The following HIP1R variants were observed in gnomAD, a reference collection of about 807,000 sequenced individuals.
HIP1R encodes huntingtin-interacting protein 1-related protein.
A neutral mutation model predicts 144.2 loss-of-function variants in HIP1R; 135 were observed. That is an observed-to-expected ratio of 0.94 (90% CI 0.81 to 1.08). HIP1R has a LOEUF of 1.08. Among genes scored for constraint, HIP1R ranks in the 50% least tolerant of loss-of-function variants. The probability of loss-of-function intolerance (pLI) is 0.00; values close to 1 mark genes in which losing one functional copy is unlikely to be tolerated. For synonymous variants in HIP1R, 698 were observed against 612.8 expected (o/e 1.14, Z -2.05); for missense variants, 1,462 against 1,432.8 (o/e 1.02, Z -0.33).
chr12:122,844,001 G>A (rs2033137386), intron 1 of HIP1R, among the ~76,000 whole-genome samples: 1 of 152,064 alleles, frequency 6.6e-6, no homozygotes, highest in African/African-American at 2.4e-5. Context: ...ACACCACCAT[G>A]CCCGGCTAAT....
rs2033580369 is a variant in HIP1R, at chr12:122,856,412, C to CCCTTCCCCTG, written c.1402-17_1402-8dup. The CCCTTCCCCTG allele has an allele frequency of 1.2e-6, 2 of 1,603,260 alleles. No homozygotes were observed. Among genetic ancestry groups the CCCTTCCCCTG allele is most frequent in the African/African-American group, 2.7e-5 (2 of 74,758 alleles). On this transcript the variant is annotated intron_variant, in intron 15 of 31. Transcript: ENST00000253083. ...CTCGGGGATGGCAGCAGAGCATGAG[C>CCCTTCCCCTG]CCTTCCCCTGCCCATGCAGAACGCG... is the stretch of plus-strand genomic sequence containing the variant.
rs756695315 is a variant in HIP1R at position 122,857,052 on chromosome 12, C to T, written c.1652C>T (p.Thr551Met). Residue 551 changes from threonine (T) to methionine (M), a missense_variant, in exon 18 of 32, where the codon ACG (threonine) becomes ATG (methionine). Thr to Met is a moderately conservative substitution (Grantham distance 81). Coordinates refer to ENST00000253083, the MANE Select transcript of HIP1R (RefSeq NM_003959.3). ...TCGGAGCTGAGCTCACGGCTGGACA[C>T]GCTGAGTGCGGAGAAGGATGCTCTG... ...SKSELSSRLD[T>M]LSAEKDALSG... 3.7e-5 allele frequency: 57 copies of T among 1,550,646 alleles called. No individual in the cohort carries two copies. The highest frequency in any genetic ancestry group is 7.3e-5 in the East Asian group (3 of 41,144).
chr12:122,848,926 C>A, intron 4 of HIP1R, 74 bp downstream of exon 4: 1 of 1,498,690 alleles, frequency 6.7e-7, no homozygotes, highest in Non-Finnish European at 9.3e-7. Flanking sequence ...CGAAGGGTGG[C>A]TCCCTGTGGG....
intron 20 of HIP1R, 142 bp from the exon 21 acceptor site, chr12:122,858,696 C>A: frequency 1.4e-6 from 1 of 703,668 alleles, no homozygotes; most frequent in Non-Finnish European, 2.5e-6. Context: ...TGGTGTGGTT[C>A]CCACTGCCTC....
At position 122,844,692 on chromosome 12, in the gene HIP1R, G is replaced by C. The variant is rs368364030; in HGVS notation, c.94-3339G>C. On this transcript the variant is annotated intron_variant, in intron 1 of 31. Coordinates refer to ENST00000253083, the MANE Select transcript of HIP1R (RefSeq NM_003959.3). ...GGGTGCTGAGTAGCGGACAGACCCCGGGGCGGTCACATGTGTCCTTATGAT... is the reference window on the plus strand; with the variant it reads ...GGGTGCTGAGTAGCGGACAGACCCCCGGGCGGTCACATGTGTCCTTATGAT... Among the ~76,000 whole-genome samples the C allele has an allele frequency of 6.6e-5, 10 of 152,338 alleles. No individual in the cohort carries two copies. The East Asian group carries it at 1.9e-3, about 29-fold the overall frequency.
At chr12:122,845,768 G>A (rs1230475454) in intron 1 of HIP1R, among the ~76,000 whole-genome samples, 1 of 152,190 alleles carries the variant, frequency 6.6e-6, no homozygotes, top group Non-Finnish European at 1.5e-5. Context: ...CTGCAGGAGG[G>A]TGTGAGGGTG....
At chr12:122,843,954 C>G (rs922677920) in intron 1 of HIP1R, among the ~76,000 whole-genome samples, 1 of 152,094 alleles carries the variant, frequency 6.6e-6, no homozygotes, top group Non-Finnish European at 1.5e-5. Flanking sequence ...AAGCGATTCT[C>G]TGCCTCAGCT....
Position 122,847,336 on chromosome 12 carries a change from G to A in HIP1R, c.94-695G>A, listed in dbSNP as rs373649172. ...GAGGGGTGAGACTGCCATAGGTGGAGCGGGAGGGATGCTGAGATTCTGGCC... is the reference window on the plus strand; with the variant it reads ...GAGGGGTGAGACTGCCATAGGTGGAACGGGAGGGATGCTGAGATTCTGGCC... On this transcript the variant is annotated intron_variant, in intron 1 of 31. Coordinates refer to ENST00000253083, the MANE Select transcript of HIP1R (RefSeq NM_003959.3). Among the ~76,000 whole-genome samples the A allele has an allele frequency of 2.0e-4, 30 of 152,334 alleles. 1 individual carries two copies. The South Asian group carries it at 4.3e-3, about 22-fold the overall frequency.
chr12:122,852,326 C>A (rs1310059285), intron 7 of HIP1R, among the ~76,000 whole-genome samples: 1 of 152,180 alleles, frequency 6.6e-6, no homozygotes, highest in African/African-American at 2.4e-5. Flanking sequence ...ACATGGAGAG[C>A]AGAGGGCAGG....
chr12:122,861,841 C>T lies in HIP1R; in HGVS notation c.*88C>T. ...GGACCGAGAGGCCTTGCCCCTCCAC[C>T]TGGTGCCCAAGCCTCCCGCCCCACC... is the stretch of plus-strand genomic sequence containing the variant. On this transcript the variant is annotated 3_prime_UTR_variant, in exon 32 of 32. Transcript: ENST00000253083. 7.8e-7 allele frequency: 1 copy of T among 1,283,338 alleles called. No individual in the cohort carries two copies. The highest frequency in any genetic ancestry group is 1.1e-6 in the Non-Finnish European group (1 of 899,118). 79.5% of individuals were successfully genotyped at this position (1,283,338 alleles called of 1,614,324 possible). A position where few individuals can be genotyped will look rare whatever the true frequency, so the allele number is the denominator to read the frequency against.
At position 122,862,932 on chromosome 12, in the gene HIP1R, A is replaced by G. The variant is rs2033811617; in HGVS notation, c.*1179A>G. ...TTTCCTCCTGAAGTGTTCTGTTGGC[A>G]ATAAAATGCACTTTGACTGTTTGTT... On this transcript the variant is annotated 3_prime_UTR_variant, in exon 32 of 32. Coordinates refer to ENST00000253083, the MANE Select transcript of HIP1R (RefSeq NM_003959.3). 6.6e-6 allele frequency: 1 copy of G among 152,232 alleles called. No individual in the cohort carries two copies. Among genetic ancestry groups the G allele is most frequent in the South Asian group, 2.1e-4 (1 of 4,828 alleles). 9.4% of individuals were successfully genotyped at this position (152,232 alleles called of 1,614,324 possible).
At chr12:122,835,362 G>T, upstream of HIP1R, 3 of 1,062,816 alleles carry the variant, frequency 2.8e-6, no homozygotes, top group Non-Finnish European at 3.4e-6. Flanking sequence ...GCGGGCGCGG[G>T]GGGCGGGTTT....
intron 2 of HIP1R, 120 bp downstream of exon 2, chr12:122,848,214 G>C: frequency 8.9e-7 from 1 of 1,125,396 alleles, no homozygotes; most frequent in Non-Finnish European, 1.3e-6. Flanking sequence ...AGCCCGGGGA[G>C]GAGGGTCCTG....
intron 18 of HIP1R, chr12:122,857,790 G>A: frequency 3.0e-6 from 1 of 333,700 alleles, no homozygotes; most frequent in Non-Finnish European, 5.4e-6. Flanking sequence ...GTGTGGAGTG[G>A]TTTCTCACGG....
intron 1 of HIP1R, among the ~76,000 whole-genome samples, chr12:122,845,351 C>T (rs2033178994): frequency 6.6e-6 from 1 of 152,356 alleles, no homozygotes; most frequent in Admixed American, 6.5e-5. Flanking sequence ...GCGCTCTGAG[C>T]CTGGTGCACA....
rs2033514502 is a variant in HIP1R at position 122,854,849 on chromosome 12, G to T, written c.719-56G>T. On this transcript the variant is annotated intron_variant, in intron 8 of 31. Transcript: ENST00000253083. ...GCATACGGAGGAACAAGGCAGGGCA[G>T]GTGAGCCCCTGAGCAGTGTGCAGAG... 8 of 1,560,524 alleles carry T rather than the reference G, an allele frequency of 5.1e-6. No individual in the cohort carries two copies. The South Asian group carries it at 9.0e-5, about 18-fold the overall frequency.
Position 122,856,607 on chromosome 12 carries a change from C to T in HIP1R, c.1519-18C>T, listed in dbSNP as rs900128210. 9 of 1,600,536 alleles carry T rather than the reference C, an allele frequency of 5.6e-6. No individual in the cohort carries two copies. The highest frequency in any genetic ancestry group is 1.3e-5 in the African/African-American group (1 of 74,946). On this transcript the variant is annotated intron_variant, in intron 16 of 31. Coordinates refer to ENST00000253083, the MANE Select transcript of HIP1R (RefSeq NM_003959.3). ...CATCCCCAGCCCACTGCCCCAGTGA[C>T]ACGCTGTCCTGTCCCAGCTAGAGGA... is the stretch of plus-strand genomic sequence containing the variant.
chr12:122,839,993 G>A (rs79853554), intron 1 of HIP1R, among the ~76,000 whole-genome samples: 88 of 152,366 alleles, frequency 5.8e-4, no homozygotes, highest in African/African-American at 1.9e-3. Flanking sequence ...TGATTTGCCC[G>A]CAGCATGGCA....
intron 5 of HIP1R, chr12:122,850,460 C>T (rs747651968): frequency 2.5e-4 from 41 of 161,028 alleles, no homozygotes; most frequent in South Asian, 1.4e-3. Context: ...GGCCCTGGTT[C>T]GGTGGCCGCT....
Sources: allele counts gnomAD v4.1 joint callset (sites outside exome capture counted in the v4.1 genomes callset), GRCh38; gene constraint gnomAD v4.1.1; transcripts MANE v1.5; gene names NCBI Gene and HGNC (gene_info 2026-07-23, HGNC 2026-07-21).